The following PRIM2 variants were observed in gnomAD, a reference collection of about 807,000 sequenced individuals.
The protein encoded by PRIM2 is DNA primase subunit 2, also known as DNA primase large subunit.
A neutral mutation model predicts 67.3 loss-of-function variants in PRIM2; 39 were observed. The ratio of observed to expected loss-of-function variants is 0.58; its 90% CI spans 0.45 to 0.76. PRIM2 has a LOEUF of 0.76. Among genes scored for constraint, PRIM2 ranks in the 30% least tolerant of loss-of-function variants. The pLI is 0.00. For synonymous variants in PRIM2, 143 were observed against 198.7 expected, an observed-to-expected ratio of 0.72 and a Z score of 2.36; for missense variants, 398 against 598.7, an observed-to-expected ratio of 0.66 and a Z score of 3.50.
At chr6:57,415,483 T>G (rs1184364352) in intron 7 of PRIM2, among the ~76,000 whole-genome samples, 1 of 152,200 alleles carries the variant, frequency 6.6e-6, no homozygotes, top group African/African-American at 2.4e-5. Flanking sequence ...TGCTAAAAAA[T>G]GCTAATGATC....
At chr6:57,644,005 CT>C (rs1758043818) in intron 13 of PRIM2, among the ~76,000 whole-genome samples, 1 of 152,148 alleles carries the variant, frequency 6.6e-6, no homozygotes, top group Admixed American at 6.6e-5. Context: ...GCAGCAACCC[CT>C]TTTTCCCTGG....
chr6:57,237,769 G>A, the PRIM2 span, among the ~76,000 whole-genome samples: 3 of 152,086 alleles, frequency 2.0e-5, no homozygotes, highest in African/African-American at 7.2e-5. Context: ...TGTTCCATTG[G>A]TCTATATCTC....
At chr6:57,401,095 C>T (rs1390895955) in intron 7 of PRIM2, among the ~76,000 whole-genome samples, 1 of 152,036 alleles carries the variant, frequency 6.6e-6, no homozygotes, top group East Asian at 1.9e-4. Flanking sequence ...ACTTTATTTC[C>T]GTCATTTCAG....
At position 57,458,942 on chromosome 6, in the gene PRIM2, G is replaced by A. The variant is rs1201093432; in HGVS notation, c.694-48445G>A. ...AGAAGACCTGTGAAGAGGACCTGCAGCGTTGAGCAGAGCTTTACTCAGCCC... is the reference window on the plus strand; with the variant it reads ...AGAAGACCTGTGAAGAGGACCTGCAACGTTGAGCAGAGCTTTACTCAGCCC... On this transcript the variant is annotated intron_variant, in intron 7 of 13. Coordinates refer to ENST00000615550, the MANE Select transcript of PRIM2 (RefSeq NM_000947.5). Among the ~76,000 whole-genome samples, 15 of 152,346 alleles carry A rather than the reference G, an allele frequency of 9.8e-5. 1 individual carries two copies. Among genetic ancestry groups the A allele is most frequent in the Admixed American group, 5.9e-4 (9 of 15,308 alleles).
At chr6:57,508,915 A>G (rs1774302761) in intron 8 of PRIM2, among the ~76,000 whole-genome samples, 1 of 152,218 alleles carries the variant, frequency 6.6e-6, no homozygotes, top group Admixed American at 6.5e-5. Flanking sequence ...AAATTGTATT[A>G]GTCAACATAC....
intron 5 of PRIM2, among the ~76,000 whole-genome samples, chr6:57,330,384 T>TTTTTTTTTTTG (rs1768018588): frequency 1.1e-4 from 4 of 35,140 alleles, no homozygotes; most frequent in Admixed American, 3.2e-4. Context: ...TGTTTTTTTG[T>TTTTTTTTTTTG]TTTTTTTTTT....
the PRIM2 span, among the ~76,000 whole-genome samples, chr6:57,256,631 TACACACACAC>T: frequency 8.5e-5 from 12 of 141,028 alleles, no homozygotes; most frequent in South Asian, 9.4e-4. Context: ...CTCTTTCTCT[TACACACACAC>T]ACACACACAC....
At chr6:57,533,870 G>A (rs1336375780) in intron 9 of PRIM2, among the ~76,000 whole-genome samples, 5 of 152,150 alleles carry the variant, frequency 3.3e-5, no homozygotes, top group African/African-American at 4.8e-5. Context: ...CTTACATGAG[G>A]GAGAGGGACA....
At chr6:57,612,768 A>T (rs1167951341) in intron 12 of PRIM2, among the ~76,000 whole-genome samples, 1 of 148,590 alleles carries the variant, frequency 6.7e-6, no homozygotes, top group Non-Finnish European at 1.5e-5. Flanking sequence ...TTATACCTTA[A>T]TTTTTTTCTT....
the PRIM2 span, among the ~76,000 whole-genome samples, chr6:57,296,767 A>G: frequency 1.3e-5 from 2 of 152,126 alleles, no homozygotes; most frequent in Non-Finnish European, 2.9e-5. Context: ...TCTAATTTCT[A>G]AATATCATTC....
chr6:57,627,814 T>C (rs1776978909), intron 12 of PRIM2, among the ~76,000 whole-genome samples: 1 of 152,212 alleles, frequency 6.6e-6, no homozygotes, highest in South Asian at 2.1e-4. Context: ...ATACTGCCAT[T>C]TGTATAATAT....
At chr6:57,643,029 A>G (rs1777273699) in intron 13 of PRIM2, among the ~76,000 whole-genome samples, 1 of 152,106 alleles carries the variant, frequency 6.6e-6, no homozygotes, top group Non-Finnish European at 1.5e-5. Context: ...GATTTCATAG[A>G]ACAATTTTTT....
chr6:57,233,138 A>T, the PRIM2 span, among the ~76,000 whole-genome samples: 1 of 152,192 alleles, frequency 6.6e-6, no homozygotes, highest in Non-Finnish European at 1.5e-5. Flanking sequence ...TTATGTTTTA[A>T]ATTGATATCT....
the PRIM2 span, among the ~76,000 whole-genome samples, chr6:57,304,597 T>A: frequency 2.0e-5 from 3 of 152,042 alleles, no homozygotes; most frequent in Non-Finnish European, 4.4e-5. Flanking sequence ...TGTGGCCTGG[T>A]TCTGTGTGTG....
chr6:57,350,573 G>A (rs1334826893), intron 5 of PRIM2, among the ~76,000 whole-genome samples: 1 of 152,098 alleles, frequency 6.6e-6, no homozygotes, highest in Non-Finnish European at 1.5e-5. Context: ...GTAGGTCGGG[G>A]TGATCTCTTT....
Position 57,365,400 on chromosome 6 carries a change from T to C in PRIM2, c.460-14501T>C, listed in dbSNP as rs551752953. 9.7e-3 allele frequency among the ~76,000 whole-genome samples: 1,469 copies of C among 151,472 alleles called. 25 individuals carry two copies. Among genetic ancestry groups the C allele is most frequent in the African/African-American group, 0.034 (1,402 of 41,178 alleles). ...GTTGGTCTAGCAACTTCTTAACTGT[T>C]CTTTAATTATTAGCGGAATTGAACA... On this transcript the variant is annotated intron_variant, in intron 5 of 13. Transcript: ENST00000615550.
chr6:57,330,385 T>TTTTTTG, intron 5 of PRIM2, among the ~76,000 whole-genome samples: 1 of 28,132 alleles, frequency 3.6e-5, no homozygotes, highest in African/African-American at 1.8e-4. Context: ...GTTTTTTTGT[T>TTTTTTG]TTTTTTTTTT....
the PRIM2 span, among the ~76,000 whole-genome samples, chr6:57,268,143 A>G: frequency 2.0e-5 from 3 of 152,118 alleles, no homozygotes; most frequent in Non-Finnish European, 4.4e-5. Context: ...TGAGTTACGT[A>G]GTTGTTACTT....
At chr6:57,238,231 A>G in the PRIM2 span, among the ~76,000 whole-genome samples, 1 of 152,136 alleles carries the variant, frequency 6.6e-6, no homozygotes, top group Non-Finnish European at 1.5e-5. Context: ...CATCTACAGA[A>G]CTCTCCACCC....
Sources: allele counts gnomAD v4.1 joint callset (sites outside exome capture counted in the v4.1 genomes callset), GRCh38; gene constraint gnomAD v4.1.1; transcripts MANE v1.5; gene names NCBI Gene and HGNC (gene_info 2026-07-23, HGNC 2026-07-21).